DIP2C: variants seen among roughly 807,000 people sequenced by gnomAD.
DIP2C encodes the protein DIP2 acetate--CoA ligase C (putative).
DIP2C carries 33 observed loss-of-function variants against 192.4 expected under a neutral mutation model. That is an observed-to-expected ratio of 0.17 (90% confidence interval 0.13 to 0.23). The LOEUF (loss-of-function observed/expected upper bound fraction) is 0.23, where lower values mean the gene tolerates loss of function less well. Among genes scored for constraint, DIP2C ranks in the 10% least tolerant of loss-of-function variants. The pLI is 1.00. For synonymous variants in DIP2C, 979 were observed against 864.1 expected (o/e 1.13, Z -2.33); for missense variants, 1,537 against 2,110.1 (o/e 0.73, Z 5.32).
At chr10:406,100 T>C (rs1195581579) in intron 9 of DIP2C, among the ~76,000 whole-genome samples, 1 of 152,250 alleles carries the variant, frequency 6.6e-6, no homozygotes, top group Non-Finnish European at 1.5e-5. Flanking sequence ...GGAGTTTATT[T>C]TGTGATTATT....
intron 1 of DIP2C, among the ~76,000 whole-genome samples, chr10:559,991 C>A (rs932768947): frequency 7.0e-5 from 10 of 142,096 alleles, no homozygotes; most frequent in Non-Finnish European, 1.4e-4. Flanking sequence ...GTTCTCCTCT[C>A]CCCCCGATCC....
intron 17 of DIP2C, 120 bp from the exon 18 acceptor site, chr10:369,753 G>GCACAGTGCTGGCACCCCAGT (rs1564625460): frequency 1.3e-6 from 2 of 1,535,252 alleles, no homozygotes; most frequent in Non-Finnish European, 1.8e-6. Flanking sequence ...GGCACCCCAG[G>GCACAGTGCTGGCACCCCAGT]CACAGTGCTG....
chr10:318,351 A>C (rs1056145253), intron 31 of DIP2C, among the ~76,000 whole-genome samples: 5 of 152,126 alleles, frequency 3.3e-5, no homozygotes, highest in Non-Finnish European at 7.4e-5. Flanking sequence ...AGTCACATCC[A>C]TTTACAGCAC....
intron 1 of DIP2C, among the ~76,000 whole-genome samples, chr10:555,097 A>G (rs1848775948): frequency 6.6e-6 from 1 of 152,214 alleles, no homozygotes; most frequent in Non-Finnish European, 1.5e-5. Flanking sequence ...CAACAAAGAA[A>G]AATAAGTGTA....
At chr10:477,813 G>A (rs560359388) in intron 2 of DIP2C, among the ~76,000 whole-genome samples, 33 of 127,116 alleles carry the variant, frequency 2.6e-4, no homozygotes, top group African/African-American at 9.4e-4. Context: ...GAAAGAGAAG[G>A]AAAACAAGAG....
Position 345,017 on chromosome 10 carries a change from G to T in DIP2C, c.3325C>A (p.Pro1109Thr). 1 of 1,612,864 alleles carries T rather than the reference G, an allele frequency of 6.2e-7. No homozygotes were observed. The highest frequency in any genetic ancestry group is 8.5e-7 in the Non-Finnish European group (1 of 1,179,754). The change falls in exon 27 of 37, where the codon CCC becomes ACC. Residue 1109 changes from proline (P) to threonine (T), a missense_variant. Physicochemically the swap from Pro to Thr is conservative, Grantham distance 38. Coordinates refer to ENST00000280886, the MANE Select transcript of DIP2C (RefSeq NM_014974.3). ...CACCAACCTGTGTCCAGGATGAGGG[G>T]CCACGTCCTGACGTCCACAGCCGCC... ...AAAAVDVRTW[P>T]LILDTDDLPK...
chr10:450,223 C>T (rs1469823705), intron 3 of DIP2C, among the ~76,000 whole-genome samples: 4 of 151,382 alleles, frequency 2.6e-5, no homozygotes, highest in Non-Finnish European at 4.4e-5. Flanking sequence ...CTCACTTCCA[C>T]AGATTTAACA....
At chr10:586,334 A>C (rs1271745074) in intron 1 of DIP2C, among the ~76,000 whole-genome samples, 1 of 152,176 alleles carries the variant, frequency 6.6e-6, no homozygotes, top group African/African-American at 2.4e-5. Context: ...TATCGGACAC[A>C]TGAAACCAGG....
At chr10:454,928 A>C (rs1284890987) in intron 3 of DIP2C, among the ~76,000 whole-genome samples, 1 of 152,118 alleles carries the variant, frequency 6.6e-6, no homozygotes, top group African/African-American at 2.4e-5. Context: ...CTTTAGAAAA[A>C]CCCATACCCT....
chr10:603,318 AAAAAAAAAAAAAAAAC>A (rs531950591), intron 1 of DIP2C, among the ~76,000 whole-genome samples: 3,072 of 141,504 alleles, frequency 0.022, 66 homozygotes, highest in African/African-American at 0.047. Flanking sequence ...AAAAAAAAAA[AAAAAAAAAAAAAAAAC>A]CAACCATGAG....
At chr10:372,466 G>A (rs1961081402) in intron 17 of DIP2C, among the ~76,000 whole-genome samples, 1 of 152,226 alleles carries the variant, frequency 6.6e-6, no homozygotes, top group Admixed American at 6.5e-5. Context: ...AATTGTGTTT[G>A]CTATAGGAAC....
intron 3 of DIP2C, among the ~76,000 whole-genome samples, chr10:466,195 A>G (rs1970185419): frequency 1.3e-5 from 2 of 151,990 alleles, no homozygotes; most frequent in Non-Finnish European, 2.9e-5. Context: ...ACAGAGATAT[A>G]GATCAATGGA....
chr10:571,258 G>A (rs538791964), intron 1 of DIP2C, among the ~76,000 whole-genome samples: 2 of 152,198 alleles, frequency 1.3e-5, no homozygotes, highest in Non-Finnish European at 2.9e-5. Flanking sequence ...CGACCTCTTC[G>A]GGATAACGTC....
intron 3 of DIP2C, among the ~76,000 whole-genome samples, chr10:441,740 T>C (rs1429797273): frequency 3.3e-5 from 5 of 152,246 alleles, no homozygotes; most frequent in South Asian, 2.1e-4. Context: ...TTCCCAGTCT[T>C]GGGTATGTCT....
At chr10:312,964 G>A (rs191015176) in intron 31 of DIP2C, among the ~76,000 whole-genome samples, 3 of 152,246 alleles carry the variant, frequency 2.0e-5, no homozygotes, top group East Asian at 1.9e-4. Flanking sequence ...AAATGTACAC[G>A]GCTAAGTACC....
chr10:623,161 G>A (rs559982663), intron 1 of DIP2C, among the ~76,000 whole-genome samples: 7 of 152,248 alleles, frequency 4.6e-5, no homozygotes, highest in East Asian at 3.9e-4. Flanking sequence ...TCAGGAGCAC[G>A]AGCATCAGGT....
intron 36 of DIP2C, among the ~76,000 whole-genome samples, chr10:277,901 G>A (rs1337983705): frequency 1.3e-5 from 2 of 152,216 alleles, no homozygotes; most frequent in Non-Finnish European, 1.5e-5. Context: ...CCTCTTTGCT[G>A]CTGCCTGGAG....
chr10:389,475 C>G lies in DIP2C; in HGVS notation c.1597+516G>C, dbSNP rs553146587. Among the ~76,000 whole-genome samples, 8 of 152,312 alleles carry G rather than the reference C, an allele frequency of 5.3e-5. No individual in the cohort carries two copies. In the South Asian group the frequency reaches 1.7e-3, roughly 32 times the overall value. ...CATCACGAGCACCAATGCAGAGACT[C>G]TGACTCAATTGGGAGGGTGGGTGGA... On this transcript the variant is annotated intron_variant, in intron 13 of 36. Transcript: ENST00000280886.
At chr10:592,737 T>A (rs1374719512) in intron 1 of DIP2C, among the ~76,000 whole-genome samples, 1 of 152,152 alleles carries the variant, frequency 6.6e-6, no homozygotes, top group Non-Finnish European at 1.5e-5. Flanking sequence ...AAATGTGAAA[T>A]TTTTCCCAAC....
Sources: gnomAD v4.1 joint callset for allele counts (sites outside exome capture counted in the v4.1 genomes callset) on GRCh38, gnomAD v4.1.1 for gene constraint, MANE v1.5 for transcripts, NCBI Gene and HGNC (gene_info 2026-07-23, HGNC 2026-07-21) for gene names.